Variants in RBM23 observed in about 807,000 individuals in gnomAD.
The protein encoded by RBM23 is RNA binding motif protein 23.
In RBM23, 53 loss-of-function variants were observed where a neutral mutation model predicts 56.2. The observed-to-expected ratio is 0.94, with a 90% confidence interval of 0.76 to 1.19. The LOEUF (loss-of-function observed/expected upper bound fraction) is 1.19. Among genes scored for constraint, RBM23 ranks in the 50% most tolerant of loss-of-function variants. The probability of loss-of-function intolerance (pLI) is 0.00; values close to 1 mark genes in which losing one functional copy is unlikely to be tolerated. For synonymous variants in RBM23, 197 were observed against 198.5 expected (o/e 0.99, Z 0.06); for missense variants, 642 against 590.3 (o/e 1.09, Z -0.91).
rs1351902843 is a variant in RBM23, at chr14:22,900,921, G to C, written c.*809C>G. 6.6e-6 allele frequency: 1 copy of C among 152,188 alleles called. No individual in the cohort carries two copies. Among genetic ancestry groups the C allele is most frequent in the Admixed American group, 6.6e-5 (1 of 15,266 alleles). 9.4% of individuals were successfully genotyped at this position (152,188 alleles called of 1,614,324 possible). On this transcript the variant is annotated 3_prime_UTR_variant, in exon 14 of 14. Coordinates refer to ENST00000359890, the MANE Select transcript of RBM23 (RefSeq NM_001077351.2). ...TTGAGGCCACAGTAGAGGCACACAG[G>C]AAGTGGTAGAGTAGCAGCCTCCCTC... is the stretch of plus-strand genomic sequence containing the variant.
At chr14:22,909,880 C>T (rs1175618277) in intron 2 of RBM23, among the ~76,000 whole-genome samples, 6 of 152,034 alleles carry the variant, frequency 3.9e-5, no homozygotes, top group Non-Finnish European at 2.9e-5. Context: ...AGGCTGGGGG[C>T]AGTGGCTCAC....
chr14:22,900,505 T>G lies in RBM23; in HGVS notation c.*1225A>C, dbSNP rs544675045. The G allele has an allele frequency of 5.1e-4, 78 of 152,290 alleles. No individual in the cohort carries two copies. The highest frequency in any genetic ancestry group is 1.8e-3 in the African/African-American group (74 of 41,536). 9.4% of individuals were successfully genotyped at this position (152,290 alleles called of 1,614,324 possible). A position where few individuals can be genotyped will look rare whatever the true frequency, so the allele number is the denominator to read the frequency against. On this transcript the variant is annotated 3_prime_UTR_variant, in exon 14 of 14. Coordinates refer to ENST00000359890, the MANE Select transcript of RBM23 (RefSeq NM_001077351.2). ...TGGGTAATTCTGTCCAGTGGGTAGC[T>G]GGGATGGAGATAGTTAGGATGAAGA...
intron 4 of RBM23, 57 bp from the exon 5 acceptor site, chr14:22,906,425 T>G: frequency 6.3e-7 from 1 of 1,586,016 alleles, no homozygotes; most frequent in Non-Finnish European, 8.6e-7. Context: ...AACAACCAAG[T>G]GCATATACAA....
intron 10 of RBM23, 23 bp from the exon 11 acceptor site, chr14:22,902,405 T>G: frequency 6.2e-7 from 1 of 1,604,332 alleles, no homozygotes; most frequent in East Asian, 2.2e-5. Flanking sequence ...CAGGCCATGT[T>G]AGTCACCTAC....
chr14:22,914,688 G>C (rs573694855), intron 1 of RBM23, among the ~76,000 whole-genome samples: 20 of 151,792 alleles, frequency 1.3e-4, no homozygotes, highest in Non-Finnish European at 2.4e-4. Flanking sequence ...TTTCATAACT[G>C]TAAGAACTTT....
In RBM23 at chr14:22,902,984, G is replaced by A. The variant is rs542032386; in HGVS notation, c.931-602C>T. 44 of 753,318 alleles carry A rather than the reference G, an allele frequency of 5.8e-5. No individual in the cohort carries two copies. The South Asian group carries it at 7.3e-4, about 12-fold the overall frequency. 46.7% of individuals were successfully genotyped at this position (753,318 alleles called of 1,614,324 possible). A position where few individuals can be genotyped will look rare whatever the true frequency, so the allele number is the denominator to read the frequency against. ...TTTAGTAGAGATGGGGTTTCACCACGTTGGTCAGGCTGGTCTCGAACTCCT... is the reference window on the plus strand; with the variant it reads ...TTTAGTAGAGATGGGGTTTCACCACATTGGTCAGGCTGGTCTCGAACTCCT... On this transcript the variant is annotated intron_variant, in intron 10 of 13. Transcript: ENST00000359890.
At position 22,898,798 on chromosome 14, in the gene RBM23, C is replaced by G. The variant is rs1277409415; in HGVS notation, c.*2932G>C. ...AAGGCCTGTGGATATTTATAATAGT[C>G]TGAAGGAGCCAAGCCAGCCATGAGA... On this transcript the variant is annotated 3_prime_UTR_variant, in exon 14 of 14. Coordinates refer to ENST00000359890, the MANE Select transcript of RBM23 (RefSeq NM_001077351.2). The G allele has an allele frequency of 6.6e-6, 1 of 151,828 alleles. No homozygotes were observed. The highest frequency in any genetic ancestry group is 1.5e-5 in the Non-Finnish European group (1 of 68,022). The allele number at this position is 151,828 out of a possible 1,614,324, so 9.4% of individuals were successfully genotyped here.
At chr14:22,903,597 C>T (rs2040997036) in intron 10 of RBM23, 8 of 991,138 alleles carry the variant, frequency 8.1e-6, no homozygotes, top group Non-Finnish European at 9.6e-6. Context: ...TGCCCTCTGC[C>T]CTGTGGGTCA....
intron 3 of RBM23, 95 bp downstream of exon 3, chr14:22,909,388 A>G: frequency 1.0e-6 from 1 of 993,348 alleles, no homozygotes; most frequent in Non-Finnish European, 1.6e-6. Flanking sequence ...CAGCAGTCTT[A>G]ACAGAAACAA....
In RBM23 at chr14:22,901,341, A is replaced by G. The variant is rs773637254; in HGVS notation, c.*389T>C. 15 of 261,958 alleles carry G rather than the reference A, an allele frequency of 5.7e-5. No homozygotes were observed. Among genetic ancestry groups the G allele is most frequent in the Non-Finnish European group, 8.8e-5 (12 of 136,998 alleles). The allele number at this position is 261,958 out of a possible 1,614,324, so 16.2% of individuals were successfully genotyped here. On this transcript the variant is annotated 3_prime_UTR_variant, in exon 14 of 14. Coordinates refer to ENST00000359890, the MANE Select transcript of RBM23 (RefSeq NM_001077351.2). ...CTAAGGGTTTTCCTTGACAGACTAA[A>G]GGTTAAAGGTACAGGAAAAGGAGAG...
At chr14:22,902,831 G>A (rs1370812171) in intron 10 of RBM23, 1 of 935,694 alleles carries the variant, frequency 1.1e-6, no homozygotes, top group Non-Finnish European at 1.3e-6. Context: ...CTAGAGTGCA[G>A]TGGCACCATG....
intron 10 of RBM23, 161 bp downstream of exon 10, chr14:22,904,100 G>A: frequency 2.6e-6 from 4 of 1,535,676 alleles, no homozygotes; most frequent in Non-Finnish European, 3.5e-6. Context: ...CTCAAGCAAT[G>A]CACTCATCTC....
chr14:22,901,916 G>A (rs2040558600), intron 12 of RBM23, 33 bp from the exon 13 acceptor site: 2 of 1,613,942 alleles, frequency 1.2e-6, no homozygotes, highest in Non-Finnish European at 1.7e-6. Flanking sequence ...GAGTGAGCAA[G>A]CACCGCGCAC....
chr14:22,914,955 C>T (rs1022627977), intron 1 of RBM23, among the ~76,000 whole-genome samples: 4 of 145,804 alleles, frequency 2.7e-5, no homozygotes, highest in Non-Finnish European at 6.0e-5. Context: ...TGCACTCCAG[C>T]CTGGGTGTAA....
chr14:22,903,115 C>T, intron 10 of RBM23: 1 of 985,384 alleles, frequency 1.0e-6, no homozygotes, highest in Non-Finnish European at 1.2e-6. Flanking sequence ...TCTGGAACTC[C>T]TAATTCCAGG....
rs369196019 is a variant in RBM23 at position 22,901,800 on chromosome 14, A to G, written c.1316+14T>C. The G allele has an allele frequency of 9.9e-6, 16 of 1,614,026 alleles. No individual in the cohort carries two copies. In the Admixed American group the frequency reaches 1.2e-4, roughly 12 times the overall value. ...ATAATCAAAGGCTAGAATGAGCTAGACCCTGAGACTCACATGGTCTGGGGG... is the reference window on the plus strand; with the variant it reads ...ATAATCAAAGGCTAGAATGAGCTAGGCCCTGAGACTCACATGGTCTGGGGG... On this transcript the variant is annotated intron_variant, in intron 13 of 13. Transcript: ENST00000359890.
At chr14:22,915,177 G>C (rs896017808) in intron 1 of RBM23, among the ~76,000 whole-genome samples, 2 of 152,130 alleles carry the variant, frequency 1.3e-5, no homozygotes, top group African/African-American at 4.8e-5. Flanking sequence ...ATGTTATGGA[G>C]AGAGAAGATT....
At chr14:22,908,036 T>G (rs2041864732) in intron 4 of RBM23, among the ~76,000 whole-genome samples, 1 of 152,212 alleles carries the variant, frequency 6.6e-6, no homozygotes, top group Non-Finnish European at 1.5e-5. Flanking sequence ...TTTTATTTTT[T>G]TTGAGACAGG....
chr14:22,904,766 C>T (rs1566541607), intron 9 of RBM23, 109 bp downstream of exon 9: 4 of 1,489,100 alleles, frequency 2.7e-6, no homozygotes, highest in East Asian at 2.3e-5. Context: ...CCCACTATGA[C>T]GTATGCAGCA....
Sources: gnomAD v4.1 joint callset for allele counts (sites outside exome capture counted in the v4.1 genomes callset) on GRCh38, gnomAD v4.1.1 for gene constraint, MANE v1.5 for transcripts, NCBI Gene and HGNC (gene_info 2026-07-23, HGNC 2026-07-21) for gene names.